The following MGAT5 variants were observed in gnomAD, a reference collection of about 807,000 sequenced individuals.
The protein encoded by MGAT5 is alpha-1,6-mannosylglycoprotein 6-beta-N-acetylglucosaminyltransferase.
Under a neutral mutation model 94.3 loss-of-function variants are expected in MGAT5, and 30 were observed. That is an observed-to-expected ratio of 0.32 (90% CI 0.24 to 0.43). The LOEUF (loss-of-function observed/expected upper bound fraction) is 0.43, where lower values mean the gene tolerates loss of function less well. Among genes scored for constraint, MGAT5 ranks in the 20% least tolerant of loss-of-function variants. The pLI is 1.00. For missense variants in MGAT5, 691 were observed against 905.5 expected, an observed-to-expected ratio of 0.76 and a Z score of 3.04; for synonymous variants, 310 against 322.9, an observed-to-expected ratio of 0.96 and a Z score of 0.43.
intron 2 of MGAT5, among the ~76,000 whole-genome samples, chr2:134,282,285 C>T (rs749116218): frequency 5.9e-5 from 9 of 152,160 alleles, no homozygotes; most frequent in East Asian, 1.9e-4. Flanking sequence ...TGTGCCATGC[C>T]GGGCTGGGTG....
At chr2:134,278,576 A>G (rs1210125045) in intron 2 of MGAT5, among the ~76,000 whole-genome samples, 1 of 152,176 alleles carries the variant, frequency 6.6e-6, no homozygotes, top group Non-Finnish European at 1.5e-5. Context: ...TAAAATGCAT[A>G]TGGCTACTAG....
chr2:134,364,698 A>T (rs57859677), intron 10 of MGAT5, among the ~76,000 whole-genome samples: 15,679 of 152,164 alleles, frequency 0.1, 961 homozygotes, highest in South Asian at 0.22. Context: ...GAGTAATAAC[A>T]CCCAAAAATC....
At chr2:134,170,841 T>TA (rs1688166548) in intron 1 of MGAT5, among the ~76,000 whole-genome samples, 1 of 150,688 alleles carries the variant, frequency 6.6e-6, no homozygotes, top group Non-Finnish European at 1.5e-5. Context: ...ACATAGTAGA[T>TA]ATAGATCTCT....
chr2:134,288,567 C>G (rs1312432332), intron 2 of MGAT5, among the ~76,000 whole-genome samples: 4 of 151,468 alleles, frequency 2.6e-5, no homozygotes, highest in Non-Finnish European at 4.4e-5. Context: ...TTGTTTGGTG[C>G]TTGATACCAT....
At chr2:134,287,319 T>C (rs901704459) in intron 2 of MGAT5, among the ~76,000 whole-genome samples, 10 of 152,270 alleles carry the variant, frequency 6.6e-5, no homozygotes, top group African/African-American at 2.4e-4. Context: ...TCTGATTTCA[T>C]GAATCAATAT....
chr2:134,445,120 A>T (rs1685699589), intron 15 of MGAT5, among the ~76,000 whole-genome samples: 1 of 152,198 alleles, frequency 6.6e-6, no homozygotes, highest in Non-Finnish European at 1.5e-5. Context: ...TGTGCAAAGA[A>T]TTCTAAGCAG....
At chr2:134,338,967 G>A (rs1046416103) in intron 6 of MGAT5, among the ~76,000 whole-genome samples, 13 of 152,118 alleles carry the variant, frequency 8.5e-5, no homozygotes, top group African/African-American at 2.7e-4. Flanking sequence ...TTTATGCCCT[G>A]TTAGCTATAG....
At position 134,366,929 on chromosome 2, in the gene MGAT5, G is replaced by T. The variant is rs111235490; in HGVS notation, c.1380+4521G>T. Among the ~76,000 whole-genome samples, 1,122 of 152,324 alleles carry T rather than the reference G, an allele frequency of 7.4e-3. 14 individuals are homozygous for T. Among genetic ancestry groups the T allele is most frequent in the East Asian group, 0.023 (118 of 5,180 alleles). On this transcript the variant is annotated intron_variant, in intron 10 of 15. Transcript: ENST00000281923. ...TTTGCTACTGTAGGTGCCTAGTTCA[G>T]TCACCCTCATTCCTACTTTGATATT...
intron 10 of MGAT5, among the ~76,000 whole-genome samples, chr2:134,401,882 C>T (rs11884032): frequency 0.94 from 142,914 of 152,214 alleles, 67,234 homozygotes; most frequent in East Asian, 1. Flanking sequence ...GTTGAGGGTC[C>T]TTTGTAATAT....
chr2:134,338,069 C>A (rs1688429945), intron 5 of MGAT5, among the ~76,000 whole-genome samples, 190 bp from the exon 6 acceptor site: 1 of 152,176 alleles, frequency 6.6e-6, no homozygotes, highest in Non-Finnish European at 1.5e-5. Context: ...GGCAGATCAG[C>A]AGTCAGCAGC....
chr2:134,173,090 G>A (rs541700814), intron 1 of MGAT5, among the ~76,000 whole-genome samples: 69 of 152,256 alleles, frequency 4.5e-4, no homozygotes, highest in African/African-American at 1.6e-3. Flanking sequence ...GGGAGAAACC[G>A]GAGAAACAGA....
intron 4 of MGAT5, among the ~76,000 whole-genome samples, chr2:134,332,703 A>G (rs1050279372): frequency 2.0e-5 from 3 of 152,220 alleles, no homozygotes; most frequent in African/African-American, 4.8e-5. Context: ...ACAAAGGGCT[A>G]ATATCCAGAA....
At chr2:134,391,054 G>GTAT (rs1682373107) in intron 10 of MGAT5, among the ~76,000 whole-genome samples, 2 of 152,142 alleles carry the variant, frequency 1.3e-5, no homozygotes, top group Non-Finnish European at 2.9e-5. Context: ...ATCTGATCAG[G>GTAT]TCCTTGCCCC....
At position 134,283,212 on chromosome 2, in the gene MGAT5, A is replaced by C. The variant is rs76499644; in HGVS notation, c.406+12662A>C. 4.8e-3 allele frequency among the ~76,000 whole-genome samples: 726 copies of C among 152,194 alleles called. 7 individuals carry two copies. Among genetic ancestry groups the C allele is most frequent in the African/African-American group, 0.017 (699 of 41,542 alleles). ...GTGCAACTGTGGTGAAGTCATTTAG[A>C]GAGGTTAAGTCTCAGTTCTCTCATC... On this transcript the variant is annotated intron_variant, in intron 2 of 15. Coordinates refer to ENST00000281923, the MANE Select transcript of MGAT5 (RefSeq NM_002410.5).
At chr2:134,282,744 G>A (rs1224387716) in intron 2 of MGAT5, among the ~76,000 whole-genome samples, 1 of 152,172 alleles carries the variant, frequency 6.6e-6, no homozygotes, top group African/African-American at 2.4e-5. Context: ...GCAAAGTAGG[G>A]TAAGAAATTA....
At chr2:134,340,126 C>G (rs749579847) in intron 6 of MGAT5, among the ~76,000 whole-genome samples, 14 of 152,142 alleles carry the variant, frequency 9.2e-5, no homozygotes, top group Non-Finnish European at 1.9e-4. Flanking sequence ...AGTCTAAACT[C>G]ATGATTTGTT....
rs142227919 is a variant in MGAT5 at position 134,341,748 on chromosome 2, T to A, written c.966T>A (p.Ala322=). Residue 322 remains alanine, a synonymous_variant, in exon 7 of 16, where the codon GCT becomes GCA. Coordinates refer to ENST00000281923, the MANE Select transcript of MGAT5 (RefSeq NM_002410.5). The part of the protein sequence containing the change: ...GHDIRISASL[A]ELKEIMKKVV... ...ACATTAGGATTTCAGCTTCACTGGCTGAGCTCAAGGAGTAAGGAGATTACT... is the reference window on the plus strand; with the variant it reads ...ACATTAGGATTTCAGCTTCACTGGCAGAGCTCAAGGAGTAAGGAGATTACT... The A allele has an allele frequency of 6.2e-7, 1 of 1,610,412 alleles. No homozygotes were observed. Among genetic ancestry groups the A allele is most frequent in the African/African-American group, 1.3e-5 (1 of 74,770 alleles).
intron 2 of MGAT5, among the ~76,000 whole-genome samples, chr2:134,308,482 G>C (rs1210195007): frequency 1.3e-5 from 2 of 152,188 alleles, no homozygotes; most frequent in African/African-American, 4.8e-5. Context: ...CCCATGGAAA[G>C]TGTATATGGC....
intron 9 of MGAT5, among the ~76,000 whole-genome samples, chr2:134,350,334 T>A (rs1452246107): frequency 6.6e-6 from 1 of 152,180 alleles, no homozygotes; most frequent in African/African-American, 2.4e-5. Flanking sequence ...ATTTTCCACA[T>A]AATTAAACCT....
Sources: gnomAD v4.1 joint callset for allele counts (sites outside exome capture counted in the v4.1 genomes callset) on GRCh38, gnomAD v4.1.1 for gene constraint, MANE v1.5 for transcripts, NCBI Gene and HGNC (gene_info 2026-07-23, HGNC 2026-07-21) for gene names.